The following UPF3B variants were observed in gnomAD, a reference collection of about 807,000 sequenced individuals.
UPF3B encodes regulator of nonsense transcripts 3B.
In UPF3B, 7 loss-of-function variants were observed where a neutral mutation model predicts 40.3. The observed-to-expected ratio is 0.17, with a 90% CI of 0.10 to 0.33. UPF3B has a LOEUF of 0.33. Ranked by LOEUF, UPF3B falls within the 10% of genes least tolerant of loss-of-function variation. The pLI is 1.00. For synonymous variants in UPF3B, 117 were observed against 117.3 expected (o/e 1.00, Z 0.01); for missense variants, 229 against 358.9 (o/e 0.64, Z 2.93).
chrX:119,838,416 T>C lies in UPF3B; in HGVS notation c.958A>G (p.Thr320Ala), dbSNP rs2056126169. The change falls in exon 9 of 11, where the codon ACA (threonine) becomes GCA (alanine). Residue 320 changes from threonine (T) to alanine (A), a missense_variant. Physicochemically the swap from Thr to Ala is moderately conservative, Grantham distance 58. Transcript: ENST00000276201. ...TCGCTATCAGAACGCTTGGGCAATG[T>C]ACAACTTTGCCCACTGGCTCTTTCA... ...SDERASGQSC[T>A]LPKRSDSELK... The C allele has an allele frequency of 8.2e-7, 1 of 1,212,376 alleles. No homozygotes were observed.
At chrX:119,818,880 G>C (rs761420705) in intron 4 of UPF3B, among the ~76,000 whole-genome samples, 3 of 110,932 alleles carry the variant, frequency 2.7e-5, no homozygotes, top group Non-Finnish European at 5.7e-5. Context: ...GGCTTTCCCA[G>C]TATGACTCTG....
At chrX:119,843,130 G>A (rs2056186413) in intron 5 of UPF3B, 61 bp downstream of exon 5, 14 of 761,676 alleles carry the variant, frequency 1.8e-5, no homozygotes, top group Non-Finnish European at 2.7e-5. Context: ...AACTGATGGA[G>A]GTAGGAGACT....
intron 3 of UPF3B, among the ~76,000 whole-genome samples, chrX:119,850,622 A>G (rs1430248533): frequency 2.7e-5 from 3 of 112,850 alleles, no homozygotes; most frequent in African/African-American, 9.6e-5. Context: ...AAAGTGGCAA[A>G]TGGCAGCTTA....
At chrX:119,840,583 T>C (rs2056149311) in intron 8 of UPF3B, 63 bp downstream of exon 8, 1 of 1,066,502 alleles carries the variant, frequency 9.4e-7, no homozygotes, top group Non-Finnish European at 1.3e-6. Context: ...AAAGGACTTA[T>C]TAGCTAAGAC....
At chrX:119,836,852 A>G (rs1193755034) in intron 10 of UPF3B, among the ~76,000 whole-genome samples, 1 of 107,887 alleles carries the variant, frequency 9.3e-6, no homozygotes, top group Admixed American at 1.0e-4. Flanking sequence ...GGGTTTCACC[A>G]TGTTAGCCAG....
rs182214970 is a variant in UPF3B, at chrX:119,828,085, G to A, written c.392+3567C>T. Reference sequence around the variant, plus strand: ...TCTTCTTTTTTCGAGCCGGAGTCTCGCTCTGTTGCCCAGACTAGAGTGCAG... The same window carrying A: ...TCTTCTTTTTTCGAGCCGGAGTCTCACTCTGTTGCCCAGACTAGAGTGCAG... On this transcript the variant is annotated intron_variant, in intron 3 of 6. Coordinates refer to the UPF3B transcript ENST00000636792. 1.2e-3 allele frequency among the ~76,000 whole-genome samples: 123 copies of A among 106,160 alleles called. 1 individual carries two copies. The highest frequency in any genetic ancestry group is 4.1e-3 in the African/African-American group (118 of 28,999). 92.2% of individuals were successfully genotyped at this position (106,160 alleles called of 115,157 possible). A position where few individuals can be genotyped will look rare whatever the true frequency, so the allele number is the denominator to read the frequency against.
intron 10 of UPF3B, 38 bp from the exon 11 acceptor site, chrX:119,835,065 C>T (rs2056077779): frequency 8.3e-7 from 1 of 1,198,520 alleles, no homozygotes. Flanking sequence ...TACAACAATG[C>T]TACTAAGCTT....
At chrX:119,823,254 T>C (rs770819405) in intron 3 of UPF3B, among the ~76,000 whole-genome samples, 2 of 111,748 alleles carry the variant, frequency 1.8e-5, no homozygotes, top group East Asian at 2.8e-4. Flanking sequence ...TTATGTCTGG[T>C]TAAATTTATT....
intron 3 of UPF3B, among the ~76,000 whole-genome samples, chrX:119,846,807 A>C (rs944348047): frequency 8.9e-6 from 1 of 112,126 alleles, no homozygotes; most frequent in Non-Finnish European, 1.9e-5. Flanking sequence ...ACTTCTATGC[A>C]TCAAAAGACA....
At chrX:119,830,580 T>C (rs760521062), downstream of UPF3B, among the ~76,000 whole-genome samples, 1 of 110,624 alleles carries the variant, frequency 9.0e-6, no homozygotes, top group African/African-American at 3.3e-5. Flanking sequence ...TAACAACTCT[T>C]AGGCATTTCT....
At chrX:119,818,498 T>G (rs1302737805) in intron 4 of UPF3B, among the ~76,000 whole-genome samples, 1 of 111,504 alleles carries the variant, frequency 9.0e-6, no homozygotes, top group Admixed American at 9.6e-5. Flanking sequence ...GGAGAATCAT[T>G]GAACCCGGGA....
At chrX:119,845,093 G>A in intron 4 of UPF3B, 105 bp downstream of exon 4, 1 of 625,370 alleles carries the variant, frequency 1.6e-6, no homozygotes, top group Non-Finnish European at 2.6e-6. Flanking sequence ...ACTTTATTTT[G>A]TATATTTTCT....
At chrX:119,846,505 T>TAA (rs780880120) in intron 3 of UPF3B, among the ~76,000 whole-genome samples, 10 of 58,079 alleles carry the variant, frequency 1.7e-4, no homozygotes, top group Non-Finnish European at 2.9e-4. Context: ...TCGAGCCTGG[T>TAA]AAAAAAAAAA....
chrX:119,852,601 A>T (rs1301006215), intron 1 of UPF3B, among the ~76,000 whole-genome samples, 172 bp downstream of exon 1: 4 of 112,164 alleles, frequency 3.6e-5, no homozygotes, highest in Non-Finnish European at 7.5e-5. Context: ...TTTGGCCGGG[A>T]GGGGCTCTCC....
At chrX:119,836,459 T>C (rs562934165) in intron 10 of UPF3B, among the ~76,000 whole-genome samples, 8 of 111,529 alleles carry the variant, frequency 7.2e-5, no homozygotes, top group African/African-American at 2.6e-4. Flanking sequence ...TAGTTTTTTT[T>C]GGTGTGAAAA....
chrX:119,842,570 A>C (rs1235424802), intron 5 of UPF3B, among the ~76,000 whole-genome samples: 1 of 95,960 alleles, frequency 1.0e-5, no homozygotes, highest in African/African-American at 4.1e-5. Context: ...ACAGAGCAAG[A>C]CTCCATCTCT....
At chrX:119,843,925 A>G (rs1190426624) in intron 4 of UPF3B, among the ~76,000 whole-genome samples, 1 of 112,598 alleles carries the variant, frequency 8.9e-6, no homozygotes, top group Non-Finnish European at 1.9e-5. Flanking sequence ...ATATGGTCCT[A>G]GTCCTTATCC....
At chrX:119,841,681 A>G in intron 6 of UPF3B, 54 bp downstream of exon 6, 1 of 1,081,607 alleles carries the variant, frequency 9.2e-7, no homozygotes, top group Non-Finnish European at 1.3e-6. Context: ...TGTTTATAGA[A>G]TGCAAAGCAA....
rs764879601 is a variant in UPF3B, at chrX:119,840,696, G to A, written c.808-12C>T. On this transcript the variant is annotated splice_polypyrimidine_tract_variant and intron_variant, in intron 7 of 10. Transcript: ENST00000276201. ...AGAAACCTGTGTACCTGAAGACAGT[G>A]GAAAACAAACAGATGAGGTAACTTC... 8.3e-7 allele frequency: 1 copy of A among 1,205,360 alleles called. No individual in the cohort carries two copies. Among genetic ancestry groups the A allele is most frequent in the East Asian group, 3.0e-5 (1 of 33,755 alleles).
Sources: gnomAD v4.1 joint callset for allele counts (sites outside exome capture counted in the v4.1 genomes callset) on GRCh38, gnomAD v4.1.1 for gene constraint, MANE v1.5 for transcripts, NCBI Gene and HGNC (gene_info 2026-07-23, HGNC 2026-07-21) for gene names.